The following RADIL variants were observed in gnomAD, a reference collection of about 807,000 sequenced individuals.
RADIL encodes ras-associating and dilute domain-containing protein.
A neutral mutation model predicts 97.6 loss-of-function variants in RADIL; 99 were observed. The observed-to-expected ratio is 1.01, with a 90% CI of 0.86 to 1.20. The LOEUF (loss-of-function observed/expected upper bound fraction) is 1.20, where lower values mean the gene tolerates loss of function less well. RADIL is among the 50% of genes most tolerant of loss of function. The pLI is 0.00. For synonymous variants in RADIL, 803 were observed against 691.8 expected (o/e 1.16, Z -2.52); for missense variants, 1,765 against 1,498.9 (o/e 1.18, Z -2.93).
At chr7:4,859,228 G>A (rs1465359825) in intron 2 of RADIL, 5 of 152,578 alleles carry the variant, frequency 3.3e-5, no homozygotes, top group Non-Finnish European at 7.3e-5. Context: ...AACCTCTTCA[G>A]GGAAAAATAA....
At position 4,822,079 on chromosome 7, in the gene RADIL, C is replaced by A. The variant is rs1782848519; in HGVS notation, c.1615+315G>T. Among the ~76,000 whole-genome samples the A allele has an allele frequency of 6.6e-6, 1 of 152,002 alleles. No individual in the cohort carries two copies. Among genetic ancestry groups the A allele is most frequent in the African/African-American group, 2.4e-5 (1 of 41,390 alleles). ...CCCCTACTGAGTGATCTGTGTACCCCCCGGGCCCTCCTGCAAGCAGAAGAG... is the reference window on the plus strand; with the variant it reads ...CCCCTACTGAGTGATCTGTGTACCCACCGGGCCCTCCTGCAAGCAGAAGAG... On this transcript the variant is annotated intron_variant, in intron 6 of 14. Coordinates refer to ENST00000399583, the MANE Select transcript of RADIL (RefSeq NM_018059.5). This position sits in a 1 kb window ranked among gnomAD's most constrained non-coding sequence, Gnocchi z 5.3.
At position 4,839,152 on chromosome 7, in the gene RADIL, C is replaced by T. The variant is rs181876992; in HGVS notation, c.536-2547G>A. On this transcript the variant is annotated intron_variant, in intron 2 of 14. Coordinates refer to ENST00000399583, the MANE Select transcript of RADIL (RefSeq NM_018059.5). ...ACGTGATGTAACACATGATATGACG[C>T]GTTGGCTCAGTTTTTTTTAAAAGCA... Among the ~76,000 whole-genome samples the T allele has an allele frequency of 4.6e-5, 7 of 152,298 alleles. No homozygotes were observed. In the East Asian group the frequency reaches 9.7e-4, roughly 21 times the overall value.
rs547955485 is a variant in RADIL at position 4,822,812 on chromosome 7, G to A, written c.1455-258C>T. 2.0e-5 allele frequency among the ~76,000 whole-genome samples: 3 copies of A among 152,218 alleles called. No individual in the cohort carries two copies. Among genetic ancestry groups the A allele is most frequent in the Admixed American group, 1.3e-4 (2 of 15,284 alleles). On this transcript the variant is annotated intron_variant, in intron 5 of 14. Coordinates refer to ENST00000399583, the MANE Select transcript of RADIL (RefSeq NM_018059.5). This position sits in a 1 kb window ranked among gnomAD's most constrained non-coding sequence, Gnocchi z 5.3. Reference sequence around the variant, plus strand: ...GCCACAGCCATTGGTAAAAAACCTCGGTAAGTAGATGGCTTGCATGTCTTC... The same window carrying A: ...GCCACAGCCATTGGTAAAAAACCTCAGTAAGTAGATGGCTTGCATGTCTTC...
At chr7:4,809,557 C>T in intron 9 of RADIL, 1 of 985,492 alleles carries the variant, frequency 1.0e-6, no homozygotes, top group Non-Finnish European at 1.2e-6. Context: ...CCCGCCCAGG[C>T]ACCACGGCAG....
rs1782666361 is a variant in RADIL at position 4,815,924 on chromosome 7, GT to G, written c.1966+303del. On this transcript the variant is annotated intron_variant, in intron 8 of 14. Transcript: ENST00000399583. This position sits in a 1 kb window ranked among gnomAD's most constrained non-coding sequence, Gnocchi z 8.0. ...CTGGCCCTGACATGTCCACCGGGCA[GT>G]TCTGGGACAGTCCAATGATGCCCTG... Among the ~76,000 whole-genome samples, 1 of 152,200 alleles carries G rather than the reference GT, an allele frequency of 6.6e-6. No homozygotes were observed. The highest frequency in any genetic ancestry group is 1.5e-5 in the Non-Finnish European group (1 of 68,034).
At position 4,818,308 on chromosome 7, in the gene RADIL, G is replaced by T. The variant is rs904930569; in HGVS notation, c.1616-957C>A. Among the ~76,000 whole-genome samples the T allele has an allele frequency of 2.0e-5, 3 of 152,310 alleles. No homozygotes were observed. The highest frequency in any genetic ancestry group is 7.2e-5 in the African/African-American group (3 of 41,588). ...ACAGGCCCCCAGCTGCCCCTCTGCC[G>T]GGCAGACTGCACCGGAGGCCGGCCC... On this transcript the variant is annotated intron_variant, in intron 6 of 14. Coordinates refer to ENST00000399583, the MANE Select transcript of RADIL (RefSeq NM_018059.5). This position sits in a 1 kb window ranked among gnomAD's most constrained non-coding sequence, Gnocchi z 7.1.
In RADIL at chr7:4,834,840, T is replaced by G. The variant is rs899667390; in HGVS notation, c.1183A>C (p.Thr395Pro). Residue 395 changes from threonine to proline, a missense_variant, in exon 4 of 15, where the codon ACT (threonine) becomes CCT (proline). By Grantham distance (38) the Thr-to-Pro change is conservative (BLOSUM62 -1). Transcript: ENST00000399583. The surrounding 1 kb of genome is among the most constrained non-coding windows in gnomAD (Gnocchi z 6.0). ...ALGARGAASP[T>P]QAALPRRQQL... Reference sequence around the variant, plus strand: ...TGGCGCCGGGGCAGGGCGGCCTGAGTAGGGGAGGCGGCTCCCCGGGCCCCG... The same window carrying G: ...TGGCGCCGGGGCAGGGCGGCCTGAGGAGGGGAGGCGGCTCCCCGGGCCCCG... 15 of 1,318,044 alleles carry G rather than the reference T, an allele frequency of 1.1e-5. No individual in the cohort carries two copies. Among genetic ancestry groups the G allele is most frequent in the Non-Finnish European group, 1.4e-5 (14 of 1,032,502 alleles). The allele number at this position is 1,318,044 out of a possible 1,614,324, so 81.6% of individuals were successfully genotyped here. A position where few individuals can be genotyped will look rare whatever the true frequency, so the allele number is the denominator to read the frequency against.
At chr7:4,882,421 T>C (rs1784505634) in intron 1 of RADIL, among the ~76,000 whole-genome samples, 1 of 152,106 alleles carries the variant, frequency 6.6e-6, no homozygotes, top group Admixed American at 6.5e-5. Flanking sequence ...ACAGCGAGGG[T>C]GTGGGGCGCT....
intron 2 of RADIL, among the ~76,000 whole-genome samples, chr7:4,871,206 G>A (rs1220518597): frequency 6.6e-6 from 1 of 152,252 alleles, no homozygotes; most frequent in Non-Finnish European, 1.5e-5. Flanking sequence ...TTAAGTGGCA[G>A]TGAGTTATTC....
In RADIL at chr7:4,835,668, C is replaced by T. The variant is rs775788364; in HGVS notation, c.784-429G>A. ...TGCCGCCTGTGTGAGAGCACTGCCC[C>T]GAGGGAAGATGCCACCTAAAACCTG... On this transcript the variant is annotated intron_variant, in intron 3 of 14. Transcript: ENST00000399583. This position sits in a 1 kb window ranked among gnomAD's most constrained non-coding sequence, Gnocchi z 5.8. Among the ~76,000 whole-genome samples, 174 of 152,190 alleles carry T rather than the reference C, an allele frequency of 1.1e-3. No individual in the cohort carries two copies. The highest frequency in any genetic ancestry group is 5.7e-4 in the Non-Finnish European group (39 of 68,008).
intron 9 of RADIL, among the ~76,000 whole-genome samples, chr7:4,808,127 C>T (rs1782404683): frequency 7.4e-6 from 1 of 135,462 alleles, no homozygotes; most frequent in Non-Finnish European, 1.6e-5. Flanking sequence ...TCCTCTCCTT[C>T]CCCTCTTCCT....
chr7:4,834,976 G>A lies in RADIL; in HGVS notation c.1047C>T (p.Leu349=), dbSNP rs757867498. Residue 349 remains leucine (L), a synonymous_variant, in exon 4 of 15, where the codon CTC becomes CTT. Transcript: ENST00000399583. This position sits in a 1 kb window ranked among gnomAD's most constrained non-coding sequence, Gnocchi z 6.0. ...GGTCCTTGAATAGCAGCAGGTAGTA[G>A]AGCCCCAGGGAGAGCAGGTCCCCGT... The part of the protein sequence containing the change: ...LHHGDLLSLG[L]YYLLLFKDPA... The A allele has an allele frequency of 1.2e-6, 2 of 1,610,358 alleles. No homozygotes were observed. Among genetic ancestry groups the A allele is most frequent in the Admixed American group, 1.7e-5 (1 of 59,788 alleles).
intron 9 of RADIL, chr7:4,809,176 T>G (rs1356176946): frequency 1.0e-6 from 1 of 985,028 alleles, no homozygotes; most frequent in Non-Finnish European, 1.2e-6. Context: ...CCCCTGGCGC[T>G]GTCCCCCGCC....
rs759837833 is a variant in RADIL at position 4,834,969 on chromosome 7, G to C, written c.1054C>G (p.Leu352Val). ...TGCGCGGGGTCCTTGAATAGCAGCA[G>C]GTAGTAGAGCCCCAGGGAGAGCAGG... is the stretch of plus-strand genomic sequence containing the variant. ...GDLLSLGLYYLLLFKDPAQAQ... is the reference protein window; with the variant it reads ...GDLLSLGLYYVLLFKDPAQAQ... Residue 352 changes from leucine (L) to valine (V), a missense_variant, in exon 4 of 15, where the codon CTG (leucine) becomes GTG (valine). Physicochemically the swap from Leu to Val is conservative, Grantham distance 32 (BLOSUM62 1). Transcript: ENST00000399583. The surrounding 1 kb of genome is among the most constrained non-coding windows in gnomAD (Gnocchi z 6.0). 2.5e-6 allele frequency: 4 copies of C among 1,609,792 alleles called. No homozygotes were observed. The highest frequency in any genetic ancestry group is 3.4e-6 in the Non-Finnish European group (4 of 1,178,718).
At chr7:4,861,851 G>A in intron 2 of RADIL, 2 of 1,352,476 alleles carry the variant, frequency 1.5e-6, no homozygotes, top group Non-Finnish European at 1.9e-6. Context: ...CCCCACCACC[G>A]CGACCTTCGC....
At chr7:4,881,951 C>G (rs756670907) in intron 1 of RADIL, among the ~76,000 whole-genome samples, 5 of 151,860 alleles carry the variant, frequency 3.3e-5, no homozygotes, top group East Asian at 3.9e-4. Flanking sequence ...CCCACTTCCC[C>G]CCACCCCTGC....
chr7:4,822,458 C>T lies in RADIL; in HGVS notation c.1551G>A (p.Leu517=). ...GTGGGCATTTCTGCTGGATAAAGTACAGGAGCTCGATGGAGTTAGACATCC... is the reference window on the plus strand; with the variant it reads ...GTGGGCATTTCTGCTGGATAAAGTATAGGAGCTCGATGGAGTTAGACATCC... ...LFWMSNSIEL[L]YFIQQKCPLY... is the part of the protein sequence containing the mutation. Residue 517 remains leucine, a synonymous_variant, in exon 6 of 15, where the codon CTG becomes CTA. Coordinates refer to ENST00000399583, the MANE Select transcript of RADIL (RefSeq NM_018059.5). This position sits in a 1 kb window ranked among gnomAD's most constrained non-coding sequence, Gnocchi z 5.3. The T allele has an allele frequency of 6.2e-7, 1 of 1,613,062 alleles. No homozygotes were observed. The highest frequency in any genetic ancestry group is 8.5e-7 in the Non-Finnish European group (1 of 1,179,994).
Position 4,842,364 on chromosome 7 carries a change from A to C in RADIL, c.536-5759T>G, listed in dbSNP as rs957358571. The stretch of plus-strand genomic sequence containing the variant: ...AAGCCGAGCTGCTGAGCACATCCTC[A>C]TCTCCAAGGTGAGAAACTCACTCCT... On this transcript the variant is annotated intron_variant, in intron 2 of 14. Transcript: ENST00000399583. The surrounding 1 kb of genome is among the most constrained non-coding windows in gnomAD (Gnocchi z 4.5). 6.6e-6 allele frequency among the ~76,000 whole-genome samples: 1 copy of C among 152,120 alleles called. No homozygotes were observed. The highest frequency in any genetic ancestry group is 6.5e-5 in the Admixed American group (1 of 15,270).
At chr7:4,881,139 G>A (rs1306220254) in intron 1 of RADIL, among the ~76,000 whole-genome samples, 15 of 145,198 alleles carry the variant, frequency 1.0e-4, no homozygotes, top group Admixed American at 1.4e-4. Flanking sequence ...AAGATGGCTG[G>A]GCACGGTGGC....
Sources: allele counts gnomAD v4.1 joint callset (sites outside exome capture counted in the v4.1 genomes callset), GRCh38; gene constraint gnomAD v4.1.1; non-coding constraint Gnocchi (gnomAD v3.1); transcripts MANE v1.5; gene names NCBI Gene and HGNC (gene_info 2026-07-23, HGNC 2026-07-21).